RIT2: variants seen among roughly 807,000 people sequenced by gnomAD.
RIT2 encodes Ras like without CAAX 2, also known as GTP-binding protein Rit2.
RIT2 carries 24 observed loss-of-function variants against 23.7 expected under a neutral mutation model. The ratio of observed to expected loss-of-function variants is 1.01; its 90% CI spans 0.73 to 1.43. RIT2 has a LOEUF of 1.43. Ranked by LOEUF, RIT2 falls within the 40% of genes most tolerant of loss-of-function variation. RIT2 has a pLI of 0.00. For synonymous variants in RIT2, 107 were observed against 91.1 expected (o/e 1.17, Z -0.99); for missense variants, 236 against 266.9 (o/e 0.88, Z 0.81).
chr18:42,823,212 G>A (rs1287138123), intron 4 of RIT2, among the ~76,000 whole-genome samples: 3 of 152,074 alleles, frequency 2.0e-5, no homozygotes, highest in Non-Finnish European at 4.4e-5. Context: ...TCCCTCAGCA[G>A]TGGTATTTTA....
chr18:43,058,339 C>T (rs767420845), intron 1 of RIT2, among the ~76,000 whole-genome samples: 2 of 152,098 alleles, frequency 1.3e-5, no homozygotes, highest in East Asian at 1.9e-4. Context: ...AAAGATTCTA[C>T]ATTATCTGCT....
chr18:43,066,677 T>C (rs1210573995), intron 1 of RIT2, among the ~76,000 whole-genome samples: 1 of 151,832 alleles, frequency 6.6e-6, no homozygotes, highest in Non-Finnish European at 1.5e-5. Context: ...GATTCAATGG[T>C]AGAGAAATTG....
chr18:42,942,498 A>G (rs577423), intron 3 of RIT2, among the ~76,000 whole-genome samples: 26,382 of 152,000 alleles, frequency 0.17, 2,823 homozygotes, highest in East Asian at 0.41. Flanking sequence ...GGTCACAAAT[A>G]TAGTCATTTT....
At chr18:42,811,801 G>A (rs1905856085) in intron 4 of RIT2, among the ~76,000 whole-genome samples, 1 of 151,870 alleles carries the variant, frequency 6.6e-6, no homozygotes, top group African/African-American at 2.4e-5. Flanking sequence ...AGACATCAAA[G>A]TCAAAAGAAC....
At chr18:42,879,607 AT>A (rs1402996352) in intron 4 of RIT2, among the ~76,000 whole-genome samples, 4 of 151,852 alleles carry the variant, frequency 2.6e-5, no homozygotes, top group Non-Finnish European at 5.9e-5. Flanking sequence ...ATAACAGTAT[AT>A]TTTGTTACTT....
At chr18:42,890,139 G>C (rs545705772) in intron 4 of RIT2, among the ~76,000 whole-genome samples, 2 of 151,948 alleles carry the variant, frequency 1.3e-5, no homozygotes, top group South Asian at 4.2e-4. Context: ...TTTGACTTGA[G>C]TGGTCTTGAT....
chr18:43,037,938 C>G (rs898398333), intron 1 of RIT2, among the ~76,000 whole-genome samples: 1 of 152,058 alleles, frequency 6.6e-6, no homozygotes, highest in Non-Finnish European at 1.5e-5. Context: ...GACGCCGTGG[C>G]TCATGCCTGT....
At chr18:43,072,963 C>T (rs1343857726) in intron 1 of RIT2, among the ~76,000 whole-genome samples, 1 of 152,194 alleles carries the variant, frequency 6.6e-6, no homozygotes, top group Non-Finnish European at 1.5e-5. Flanking sequence ...GCTCCCTCTT[C>T]TCTCTGAATC....
rs552341900 is a variant in RIT2 at position 42,919,392 on chromosome 18, G to T, written c.426+4180C>A. 9.1e-4 allele frequency among the ~76,000 whole-genome samples: 139 copies of T among 152,082 alleles called. 1 individual carries two copies. The highest frequency in any genetic ancestry group is 1.7e-3 in the Non-Finnish European group (114 of 67,994). ...GCAATTACACTGTTGGTACCGAAAGGTTTGTCTATCTTCAGGATATCTTCA... is the reference window on the plus strand; with the variant it reads ...GCAATTACACTGTTGGTACCGAAAGTTTTGTCTATCTTCAGGATATCTTCA... On this transcript the variant is annotated intron_variant, in intron 4 of 4. Transcript: ENST00000326695.
intron 3 of RIT2, among the ~76,000 whole-genome samples, chr18:42,968,052 G>A (rs373245965): frequency 6.6e-6 from 1 of 151,978 alleles, no homozygotes; most frequent in Non-Finnish European, 1.5e-5. Context: ...GTCGTGAAAG[G>A]GTTTATAAAC....
chr18:42,801,040 A>T (rs1297722474), intron 4 of RIT2, among the ~76,000 whole-genome samples: 1 of 152,216 alleles, frequency 6.6e-6, no homozygotes, highest in African/African-American at 2.4e-5. Context: ...GGAAAGTAGA[A>T]ACAATAAAAA....
chr18:42,964,630 C>T (rs142125395), intron 3 of RIT2, among the ~76,000 whole-genome samples: 2 of 152,332 alleles, frequency 1.3e-5, no homozygotes, highest in Non-Finnish European at 2.9e-5. Flanking sequence ...CTCCCACATA[C>T]ATAAAAATTG....
At chr18:42,858,308 G>T (rs1405864051) in intron 4 of RIT2, among the ~76,000 whole-genome samples, 1 of 152,184 alleles carries the variant, frequency 6.6e-6, no homozygotes, top group Admixed American at 6.5e-5. Context: ...ATGAATACCT[G>T]TTCTGCTCTG....
chr18:42,968,596 A>G (rs1220556343), intron 3 of RIT2, among the ~76,000 whole-genome samples: 1 of 152,168 alleles, frequency 6.6e-6, no homozygotes, highest in Non-Finnish European at 1.5e-5. Flanking sequence ...GATTCTCCTA[A>G]TGAGAATGCT....
At chr18:43,058,567 T>C (rs1912564380) in intron 1 of RIT2, among the ~76,000 whole-genome samples, 1 of 152,102 alleles carries the variant, frequency 6.6e-6, no homozygotes, top group Admixed American at 6.6e-5. Flanking sequence ...CATCACACTG[T>C]CATTGAAAAT....
At chr18:43,104,792 CAAAT>C (rs1430635042) in intron 1 of RIT2, among the ~76,000 whole-genome samples, 3 of 151,934 alleles carry the variant, frequency 2.0e-5, no homozygotes, top group South Asian at 2.1e-4. Context: ...CTTTTGCTAC[CAAAT>C]AAAGAGCCTG....
At chr18:42,758,234 A>G (rs1913211549) in intron 4 of RIT2, among the ~76,000 whole-genome samples, 1 of 152,168 alleles carries the variant, frequency 6.6e-6, no homozygotes. Flanking sequence ...ACAATTTCAA[A>G]ATAAAATACA....
intron 3 of RIT2, among the ~76,000 whole-genome samples, chr18:42,970,651 AG>A (rs1598734241): frequency 6.6e-6 from 1 of 151,982 alleles, no homozygotes; most frequent in East Asian, 1.9e-4. Flanking sequence ...AATGCCAAAA[AG>A]AATTTTTGAT....
chr18:42,824,522 CAA>C (rs1906241533), intron 4 of RIT2, among the ~76,000 whole-genome samples: 1 of 151,824 alleles, frequency 6.6e-6, no homozygotes, highest in Admixed American at 6.6e-5. Flanking sequence ...CCTTTTTTCT[CAA>C]AGATGCATAA....
Sources: allele counts gnomAD v4.1 joint callset (sites outside exome capture counted in the v4.1 genomes callset), GRCh38; gene constraint gnomAD v4.1.1; transcripts MANE v1.5; gene names NCBI Gene and HGNC (gene_info 2026-07-23, HGNC 2026-07-21).